SOCS6: variants seen among roughly 807,000 people sequenced by gnomAD.
SOCS6 encodes the protein suppressor of cytokine signaling 6.
A neutral mutation model predicts 27.7 loss-of-function variants in SOCS6; 5 were observed. That is an observed-to-expected ratio of 0.18 (90% confidence interval 0.09 to 0.38). The LOEUF (loss-of-function observed/expected upper bound fraction) is 0.38, where lower values mean the gene tolerates loss of function less well. Among genes scored for constraint, SOCS6 ranks in the 10% least tolerant of loss-of-function variants. The pLI is 1.00. For synonymous variants in SOCS6, 271 were observed against 260.0 expected (o/e 1.04, Z -0.41); for missense variants, 595 against 688.1 (o/e 0.86, Z 1.51).
At chr18:70,307,884 C>T (rs2062375898) in intron 1 of SOCS6, among the ~76,000 whole-genome samples, 1 of 151,860 alleles carries the variant, frequency 6.6e-6, no homozygotes, top group Non-Finnish European at 1.5e-5. Context: ...ATTCTACTTT[C>T]ATTGGGTTTA....
intron 1 of SOCS6, among the ~76,000 whole-genome samples, chr18:70,292,350 T>C (rs2062303481): frequency 6.6e-6 from 1 of 152,190 alleles, no homozygotes; most frequent in Non-Finnish European, 1.5e-5. Flanking sequence ...AACTCTTGTT[T>C]TGTTTTGAAA....
At position 70,325,002 on chromosome 18, in the gene SOCS6, G is replaced by A. The variant is rs1220246680; in HGVS notation, c.334G>A (p.Val112Ile). 1 of 1,614,146 alleles carries A rather than the reference G, an allele frequency of 6.2e-7. No homozygotes were observed. The highest frequency in any genetic ancestry group is 8.5e-7 in the Non-Finnish European group (1 of 1,180,020). ...CTTCTCCTCCTCCTCAGCACCCATA[G>A]TCTTTAAAGACGTGAGAGCTCAGAG... is the stretch of plus-strand genomic sequence containing the variant. ...DTFSSSSAPI[V>I]FKDVRAQRPI... The change falls in exon 2 of 2, where the codon GTC (valine) becomes ATC (isoleucine). Residue 112 changes from valine (V) to isoleucine (I), a missense_variant. Around this residue, in one of 2 missense-constraint regions of SOCS6, gnomAD observed 467 missense variants for 481.1 expected, o/e 0.97. Coordinates refer to ENST00000397942, the MANE Select transcript of SOCS6 (RefSeq NM_004232.4). The surrounding 1 kb of genome is among the most constrained non-coding windows in gnomAD (Gnocchi z 6.3).
chr18:70,313,001 C>T (rs889701361), intron 1 of SOCS6, among the ~76,000 whole-genome samples: 4 of 151,990 alleles, frequency 2.6e-5, no homozygotes, highest in Non-Finnish European at 5.9e-5. Context: ...GGGCTGGTCT[C>T]GAACTCTTGA....
At chr18:70,315,125 C>T (rs888300666) in intron 1 of SOCS6, among the ~76,000 whole-genome samples, 5 of 152,108 alleles carry the variant, frequency 3.3e-5, no homozygotes, top group African/African-American at 1.2e-4. Context: ...GTTTGTACTT[C>T]AATGTTCATA....
intron 1 of SOCS6, among the ~76,000 whole-genome samples, chr18:70,323,481 A>G (rs758380951): frequency 2.0e-5 from 3 of 152,236 alleles, no homozygotes; most frequent in African/African-American, 4.8e-5. Context: ...GCCATGGGAA[A>G]TTGCAAAAAA....
intron 1 of SOCS6, among the ~76,000 whole-genome samples, chr18:70,317,816 T>C (rs1190459957): frequency 6.6e-6 from 1 of 152,076 alleles, no homozygotes; most frequent in African/African-American, 2.4e-5. Context: ...TGTAGAACTG[T>C]TCCCTTTTTA....
intron 1 of SOCS6, among the ~76,000 whole-genome samples, chr18:70,313,037 C>G (rs548966973): frequency 1.3e-5 from 2 of 152,136 alleles, no homozygotes; most frequent in African/African-American, 4.8e-5. Flanking sequence ...GCTTCAGCCT[C>G]CCAAAGTGCT....
chr18:70,293,379 A>G (rs1197006574), intron 1 of SOCS6, among the ~76,000 whole-genome samples: 2 of 152,074 alleles, frequency 1.3e-5, no homozygotes, highest in African/African-American at 2.4e-5. Flanking sequence ...CTGTAGAGCT[A>G]TGATGTGTGT....
intron 1 of SOCS6, among the ~76,000 whole-genome samples, chr18:70,310,073 C>T (rs953000483): frequency 7.2e-5 from 11 of 152,082 alleles, no homozygotes; most frequent in African/African-American, 2.7e-4. Flanking sequence ...CAGTCTCATG[C>T]CCTTTGAAGA....
intron 1 of SOCS6, among the ~76,000 whole-genome samples, chr18:70,312,283 AATATTAGGTCAAT>A (rs2062393715): frequency 6.6e-6 from 1 of 152,182 alleles, no homozygotes; most frequent in South Asian, 2.1e-4. Context: ...TGTATTTACC[AATATTAGGTCAAT>A]GATCAAGTAA....
Position 70,314,863 on chromosome 18 carries a change from G to A in SOCS6, c.-126-9680G>A, listed in dbSNP as rs558544754. Among the ~76,000 whole-genome samples, 373 of 38,286 alleles carry A rather than the reference G, an allele frequency of 9.7e-3. 3 individuals are homozygous for A. Among genetic ancestry groups the A allele is most frequent in the African/African-American group, 0.024 (351 of 14,686 alleles). 25.1% of individuals were successfully genotyped at this position (38,286 alleles called of 152,430 possible). ...TTCTTCATTACAGCTCTGATTTTGT[G>A]TGTATATATATATATATATATATGT... On this transcript the variant is annotated intron_variant, in intron 1 of 1. Coordinates refer to ENST00000397942, the MANE Select transcript of SOCS6 (RefSeq NM_004232.4).
intron 1 of SOCS6, among the ~76,000 whole-genome samples, chr18:70,301,346 T>A (rs1568597762): frequency 6.6e-6 from 1 of 152,164 alleles, no homozygotes; most frequent in Non-Finnish European, 1.5e-5. Context: ...AAAAAGTAGT[T>A]GGATTCTGCA....
chr18:70,312,108 A>C (rs899027706), intron 1 of SOCS6, among the ~76,000 whole-genome samples: 2 of 152,212 alleles, frequency 1.3e-5, no homozygotes, highest in African/African-American at 4.8e-5. Flanking sequence ...AAACCTCACA[A>C]CTAGCCTGAG....
chr18:70,291,993 C>T (rs1267097647), intron 1 of SOCS6, among the ~76,000 whole-genome samples: 2 of 152,100 alleles, frequency 1.3e-5, no homozygotes, highest in Admixed American at 6.5e-5. Flanking sequence ...TGCTGTTTGG[C>T]GTGTTGGTTT....
At chr18:70,299,653 C>G (rs989483061) in intron 1 of SOCS6, among the ~76,000 whole-genome samples, 2 of 152,146 alleles carry the variant, frequency 1.3e-5, no homozygotes, top group African/African-American at 4.8e-5. Flanking sequence ...CGCTTTTAAT[C>G]ACAGCGTTAG....
chr18:70,291,084 A>G, intron 1 of SOCS6, among the ~76,000 whole-genome samples: 1 of 142,554 alleles, frequency 7.0e-6, no homozygotes. Context: ...GTGTTCTTTT[A>G]ATGGCCCCCC....
chr18:70,307,471 G>A (rs41421950), intron 1 of SOCS6, among the ~76,000 whole-genome samples: 8 of 152,250 alleles, frequency 5.3e-5, no homozygotes, highest in East Asian at 3.9e-4. Context: ...GAAGCCACCC[G>A]AGCCTGACCT....
At chr18:70,302,554 G>T (rs978277615) in intron 1 of SOCS6, among the ~76,000 whole-genome samples, 2 of 152,142 alleles carry the variant, frequency 1.3e-5, no homozygotes, top group African/African-American at 4.8e-5. Context: ...AAGCGGAGTT[G>T]AATTTACTAA....
rs1238156858 is a variant in SOCS6 at position 70,326,431 on chromosome 18, G to A, written c.*155G>A. 7.6e-6 allele frequency: 5 copies of A among 660,428 alleles called. No homozygotes were observed. Among genetic ancestry groups the A allele is most frequent in the Non-Finnish European group, 1.3e-5 (5 of 385,806 alleles). 40.9% of individuals were successfully genotyped at this position (660,428 alleles called of 1,614,324 possible). A position where few individuals can be genotyped will look rare whatever the true frequency, so the allele number is the denominator to read the frequency against. On this transcript the variant is annotated 3_prime_UTR_variant, in exon 2 of 2. Coordinates refer to ENST00000397942, the MANE Select transcript of SOCS6 (RefSeq NM_004232.4). ...TCAGTTTGTTTAGGGGTGGGGAAGTGTCAGCAAGGTGTCTTGGGTTTATTT... is the reference window on the plus strand; with the variant it reads ...TCAGTTTGTTTAGGGGTGGGGAAGTATCAGCAAGGTGTCTTGGGTTTATTT...
Sources: gnomAD v4.1 joint callset for allele counts (sites outside exome capture counted in the v4.1 genomes callset) on GRCh38, gnomAD v4.1.1 for gene constraint, gnomAD v4.1.1 regional missense constraint, Gnocchi (gnomAD v3.1) non-coding constraint, MANE v1.5 for transcripts, NCBI Gene and HGNC (gene_info 2026-07-23, HGNC 2026-07-21) for gene names.